CDH20: variants seen among roughly 807,000 people sequenced by gnomAD.
The protein encoded by CDH20 is cadherin 20.
Under a neutral mutation model 74.2 loss-of-function variants are expected in CDH20, and 29 were observed. That is an observed-to-expected ratio of 0.39 (90% confidence interval 0.29 to 0.53). CDH20 has a LOEUF of 0.53. CDH20 is among the 20% of genes least tolerant of loss of function. The pLI is 0.69. For missense variants in CDH20, 988 were observed against 1,048.3 expected (o/e 0.94, Z 0.79); for synonymous variants, 469 against 405.4 (o/e 1.16, Z -1.88).
intron 6 of CDH20, among the ~76,000 whole-genome samples, chr18:61,525,411 C>T (rs555954501): frequency 2.0e-5 from 3 of 152,120 alleles, no homozygotes; most frequent in South Asian, 2.1e-4. Flanking sequence ...ATTTTAAGAG[C>T]GTATAAATGT....
At chr18:61,462,819 C>A (rs577584850) in intron 1 of CDH20, among the ~76,000 whole-genome samples, 2 of 151,840 alleles carry the variant, frequency 1.3e-5, no homozygotes, top group African/African-American at 4.8e-5. Flanking sequence ...AACACACCTG[C>A]CTGGATGGCA....
chr18:61,432,045 G>A (rs1462032464), intron 1 of CDH20, among the ~76,000 whole-genome samples: 1 of 151,922 alleles, frequency 6.6e-6, no homozygotes, highest in Non-Finnish European at 1.5e-5. Flanking sequence ...CAGAGTTTGA[G>A]ACCAGCCTGG....
At chr18:61,476,417 C>A (rs1320453895) in intron 1 of CDH20, among the ~76,000 whole-genome samples, 2 of 152,142 alleles carry the variant, frequency 1.3e-5, no homozygotes, top group Admixed American at 1.3e-4. Context: ...AAACCCCACA[C>A]CAGAATCACG....
chr18:61,425,312 C>T (rs1913034439), intron 1 of CDH20, among the ~76,000 whole-genome samples: 1 of 152,158 alleles, frequency 6.6e-6, no homozygotes, highest in African/African-American at 2.4e-5. Context: ...TGGGAACTTC[C>T]AGTAATGACC....
chr18:61,371,942 A>C (rs1380260380), intron 1 of CDH20, among the ~76,000 whole-genome samples: 2 of 152,054 alleles, frequency 1.3e-5, no homozygotes, highest in South Asian at 2.1e-4. Flanking sequence ...AAATGCAGTC[A>C]TTTCTCCCTC....
chr18:61,418,077 G>A lies in CDH20; in HGVS notation c.-152-72325G>A, dbSNP rs1369252632. ...AATAAAGAATATCATAAGTTAAAAA[G>A]CAACAACAAAAAGTATCATAACCTT... On this transcript the variant is annotated intron_variant, in intron 1 of 11. Transcript: ENST00000262717. Among the ~76,000 whole-genome samples, 4 of 152,098 alleles carry A rather than the reference G, an allele frequency of 2.6e-5. No homozygotes were observed. In the East Asian group the frequency reaches 5.8e-4, roughly 22 times the overall value.
chr18:61,443,139 G>GT (rs1340396451), intron 1 of CDH20, among the ~76,000 whole-genome samples: 1 of 152,092 alleles, frequency 6.6e-6, no homozygotes, highest in Non-Finnish European at 1.5e-5. Flanking sequence ...CTCCTACTAG[G>GT]TTTTTCCTCC....
chr18:61,374,486 A>G (rs1911148148), intron 1 of CDH20, among the ~76,000 whole-genome samples: 1 of 152,142 alleles, frequency 6.6e-6, no homozygotes. Flanking sequence ...TGTGCACATT[A>G]CTTTCCCCAA....
At chr18:61,472,207 C>A (rs192974662) in intron 1 of CDH20, among the ~76,000 whole-genome samples, 1 of 152,088 alleles carries the variant, frequency 6.6e-6, no homozygotes, top group Admixed American at 6.6e-5. Context: ...AATCACCTAA[C>A]TTAAGAGATG....
At chr18:61,371,241 T>C (rs1397250785) in intron 1 of CDH20, among the ~76,000 whole-genome samples, 1 of 152,120 alleles carries the variant, frequency 6.6e-6, no homozygotes, top group African/African-American at 2.4e-5. Flanking sequence ...CACTTGTACC[T>C]GATGAGACAG....
chr18:61,378,788 A>G (rs905680953), intron 1 of CDH20, among the ~76,000 whole-genome samples: 6 of 152,210 alleles, frequency 3.9e-5, no homozygotes, highest in African/African-American at 1.4e-4. Context: ...GCTTTTTTCA[A>G]AATTAATTTC....
At chr18:61,387,547 C>G (rs1185814057) in intron 1 of CDH20, among the ~76,000 whole-genome samples, 1 of 152,144 alleles carries the variant, frequency 6.6e-6, no homozygotes, top group African/African-American at 2.4e-5. Flanking sequence ...TCATTAAAGT[C>G]GGCTAAATTT....
At chr18:61,440,986 C>T (rs150248264) in intron 1 of CDH20, among the ~76,000 whole-genome samples, 49 of 152,230 alleles carry the variant, frequency 3.2e-4, no homozygotes, top group African/African-American at 1.2e-3. Flanking sequence ...GCTACTTTTG[C>T]AATCAATCTA....
At chr18:61,438,161 T>C (rs995755901) in intron 1 of CDH20, among the ~76,000 whole-genome samples, 2 of 152,148 alleles carry the variant, frequency 1.3e-5, no homozygotes, top group Non-Finnish European at 1.5e-5. Flanking sequence ...TCCACCTACT[T>C]CCTACTCTAC....
chr18:61,470,315 C>T (rs1313303952), intron 1 of CDH20, among the ~76,000 whole-genome samples: 3 of 152,202 alleles, frequency 2.0e-5, no homozygotes, highest in East Asian at 1.9e-4. Context: ...TCTATTTCTA[C>T]GCCGTATTGT....
At chr18:61,532,532 GTA>G (rs34829043) in intron 7 of CDH20, among the ~76,000 whole-genome samples, 3,196 of 145,466 alleles carry the variant, frequency 0.022, 104 homozygotes, top group African/African-American at 0.073. Context: ...TGTATTGTAT[GTA>G]TATATATATA....
At chr18:61,388,650 G>A (rs187239462) in intron 1 of CDH20, among the ~76,000 whole-genome samples, 3 of 152,250 alleles carry the variant, frequency 2.0e-5, no homozygotes, top group Admixed American at 6.5e-5. Flanking sequence ...GCTAACTCAG[G>A]TGTGGAAAAA....
At chr18:61,528,563 T>C (rs528233882) in intron 7 of CDH20, among the ~76,000 whole-genome samples, 10 of 152,094 alleles carry the variant, frequency 6.6e-5, no homozygotes, top group African/African-American at 2.4e-4. Flanking sequence ...TCCTGTGCAC[T>C]GAACCATGTT....
intron 1 of CDH20, among the ~76,000 whole-genome samples, chr18:61,401,393 C>T (rs536702571): frequency 1.3e-5 from 2 of 152,088 alleles, no homozygotes; most frequent in Admixed American, 6.6e-5. Flanking sequence ...ATTAGTGACC[C>T]GTTTTTGTTG....
Sources: allele counts gnomAD v4.1 joint callset (sites outside exome capture counted in the v4.1 genomes callset), GRCh38; gene constraint gnomAD v4.1.1; transcripts MANE v1.5; gene names NCBI Gene and HGNC (gene_info 2026-07-23, HGNC 2026-07-21).